SORD: variants seen among roughly 807,000 people sequenced by gnomAD.
SORD encodes (R,R)-butanediol dehydrogenase.
In SORD, 18 loss-of-function variants were observed where a neutral mutation model predicts 35.6. The ratio of observed to expected loss-of-function variants is 0.51; its 90% CI spans 0.35 to 0.75. The LOEUF is 0.75. SORD is among the 30% of genes least tolerant of loss of function. SORD has a pLI of 0.01. For synonymous variants in SORD, 106 were observed against 152.9 expected (o/e 0.69, Z 2.26); for missense variants, 250 against 390.2 (o/e 0.64, Z 3.03).
intron 3 of SORD, among the ~76,000 whole-genome samples, chr15:45,049,773 T>G (rs544329237): frequency 5.3e-5 from 8 of 152,340 alleles, no homozygotes; most frequent in African/African-American, 1.9e-4. Flanking sequence ...CAGCCAGAGA[T>G]CGCTGATTGG....
chr15:45,070,203 G>A (rs1487209660), intron 7 of SORD: 2 of 152,192 alleles, frequency 1.3e-5, no homozygotes, highest in Non-Finnish European at 2.9e-5. Flanking sequence ...CTTAGGAGAG[G>A]AAGGGAAGGA....
rs951668207 is a variant in SORD, at chr15:45,061,692, C to T, written c.425+466C>T. Among the ~76,000 whole-genome samples, 73 of 151,906 alleles carry T rather than the reference C, an allele frequency of 4.8e-4. 1 individual carries two copies. The highest frequency in any genetic ancestry group is 1.7e-3 in the African/African-American group (72 of 41,464). ...ACCTTCCTGGCTAACACGGTGAAAC[C>T]CCATCTCTACTAAAAAAATACAAAA... On this transcript the variant is annotated intron_variant, in intron 4 of 8. Transcript: ENST00000267814.
At chr15:45,051,066 C>T (rs1893116479) in intron 3 of SORD, among the ~76,000 whole-genome samples, 1 of 152,146 alleles carries the variant, frequency 6.6e-6, no homozygotes, top group South Asian at 2.1e-4. Flanking sequence ...TTTGAGAGCA[C>T]CTATCAAAGT....
intron 4 of SORD, 113 bp downstream of exon 4, chr15:45,061,339 G>A: frequency 8.6e-7 from 1 of 1,156,296 alleles, no homozygotes; most frequent in Non-Finnish European, 1.2e-6. Flanking sequence ...CCAAACATGA[G>A]GCATCACCTG....
In SORD at chr15:45,023,333, CG is replaced by C; in HGVS notation, c.55del (p.Asp19ThrfsTer19). 1 of 1,586,352 alleles carries C rather than the reference CG, an allele frequency of 6.3e-7. No homozygotes were observed. The highest frequency in any genetic ancestry group is 8.6e-7 in the Non-Finnish European group (1 of 1,167,522). On this transcript the variant is annotated frameshift_variant, in exon 1 of 9. Coordinates refer to ENST00000267814, the MANE Select transcript of SORD (RefSeq NM_003104.6). LOFTEE classifies it high-confidence loss of function. Reference sequence around the variant, plus strand: ...AACCTTTCCCTGGTGGTGCACGGACCGGGGGACTTGCGCCTGGTAAGCTGGG... The same window carrying C: ...AACCTTTCCCTGGTGGTGCACGGACCGGGGACTTGCGCCTGGTAAGCTGGG... The part of the protein sequence containing the change: ...PNNLSLVVHG[P>X]GDLRLENYPI...
intron 1 of SORD, among the ~76,000 whole-genome samples, chr15:45,027,869 G>A (rs775727346): frequency 1.2e-4 from 18 of 152,382 alleles, no homozygotes; most frequent in Non-Finnish European, 2.4e-4. Context: ...AAGGAAATGC[G>A]GGGAATTAAT....
intron 1 of SORD, among the ~76,000 whole-genome samples, chr15:45,024,294 A>C (rs1892636052): frequency 6.6e-6 from 1 of 152,166 alleles, no homozygotes; most frequent in Non-Finnish European, 1.5e-5. Flanking sequence ...AACTGCAGTA[A>C]TTCAGAAGCT....
intron 4 of SORD, 135 bp downstream of exon 4, chr15:45,061,361 C>T (rs1331500793): frequency 3.2e-6 from 3 of 941,400 alleles, no homozygotes; most frequent in Admixed American, 2.6e-5. Context: ...ACAGGCTACT[C>T]TTCTTGGTGG....
At position 45,064,575 on chromosome 15, in the gene SORD, C is replaced by T. The variant is rs548292200; in HGVS notation, c.426-696C>T. Among the ~76,000 whole-genome samples the T allele has an allele frequency of 3.9e-5, 6 of 152,286 alleles. No homozygotes were observed. In the East Asian group the frequency reaches 7.7e-4, roughly 20 times the overall value. ...ATTTAATCAGCTTTGTGGAACAGGT[C>T]CTTTTTTCTTCTTGACTGGTCCTGG... is the stretch of plus-strand genomic sequence containing the variant. On this transcript the variant is annotated intron_variant, in intron 4 of 8. Transcript: ENST00000267814.
At chr15:45,027,593 A>C (rs1892695728) in intron 1 of SORD, among the ~76,000 whole-genome samples, 1 of 152,264 alleles carries the variant, frequency 6.6e-6, no homozygotes, top group Non-Finnish European at 1.5e-5. Flanking sequence ...CAGGGCCTTC[A>C]AACACATGAA....
At chr15:45,052,429 G>C (rs1439491845) in intron 3 of SORD, among the ~76,000 whole-genome samples, 3 of 152,176 alleles carry the variant, frequency 2.0e-5, no homozygotes, top group Admixed American at 2.0e-4. Flanking sequence ...CTAATAGAGG[G>C]ATGTAGGAGG....
chr15:45,041,648 C>T (rs1892967295), intron 2 of SORD: 1 of 152,154 alleles, frequency 6.6e-6, no homozygotes, highest in Non-Finnish European at 1.5e-5. Context: ...CACCAAGATA[C>T]CATGTTCAGA....
rs1893522988 is a variant in SORD at position 45,072,176 on chromosome 15, T to C, written c.787-141T>C. On this transcript the variant is annotated intron_variant, in intron 7 of 8. Coordinates refer to ENST00000267814, the MANE Select transcript of SORD (RefSeq NM_003104.6). ...TGGCAGGTTGAGCAGTTCAGCAGTG[T>C]ACACAAATCACATTCTCAGGAATTT... 3 of 233,712 alleles carry C rather than the reference T, an allele frequency of 1.3e-5. 1 individual carries two copies. 14.5% of individuals were successfully genotyped at this position (233,712 alleles called of 1,614,324 possible).
intron 1 of SORD, among the ~76,000 whole-genome samples, chr15:45,036,082 G>A (rs1240526880): frequency 2.0e-5 from 3 of 151,808 alleles, no homozygotes; most frequent in Non-Finnish European, 4.4e-5. Context: ...GCGAAGGTCC[G>A]CAGCTTCACT....
intron 3 of SORD, among the ~76,000 whole-genome samples, chr15:45,049,016 C>T (rs930073498): frequency 1.3e-5 from 2 of 152,156 alleles, no homozygotes; most frequent in African/African-American, 4.8e-5. Context: ...TGCCCACCCC[C>T]TTGCAAGTTC....
chr15:45,039,133 T>TC (rs1555409332), intron 1 of SORD, among the ~76,000 whole-genome samples: 2,373 of 148,690 alleles, frequency 0.016, 16 homozygotes, highest in Middle Eastern at 0.031. Context: ...CTCTCTCTCT[T>TC]CCTTTTTTTT....
rs181876514 is a variant in SORD, at chr15:45,038,307, G to A, written c.67-2101G>A. Among the ~76,000 whole-genome samples the A allele has an allele frequency of 3.3e-5, 5 of 152,254 alleles. No individual in the cohort carries two copies. The East Asian group carries it at 7.7e-4, about 24-fold the overall frequency. On this transcript the variant is annotated intron_variant, in intron 1 of 8. Coordinates refer to ENST00000267814, the MANE Select transcript of SORD (RefSeq NM_003104.6). ...CCATTTACTGCCTTAGTGTTACCAT[G>A]GGTGGGTTCCTCAGTCTCATCACAT... is the stretch of plus-strand genomic sequence containing the variant.
At chr15:45,056,986 G>A (rs1566962519) in intron 3 of SORD, among the ~76,000 whole-genome samples, 1 of 152,212 alleles carries the variant, frequency 6.6e-6, no homozygotes, top group African/African-American at 2.4e-5. Context: ...CAATCTCAAT[G>A]CGCACACCTT....
intron 3 of SORD, among the ~76,000 whole-genome samples, chr15:45,056,269 G>C (rs1195032010): frequency 6.6e-6 from 1 of 152,114 alleles, no homozygotes; most frequent in East Asian, 1.9e-4. Context: ...ATCTCCTTAA[G>C]CTGATAAGCA....
Sources: gnomAD v4.1 joint callset for allele counts (sites outside exome capture counted in the v4.1 genomes callset) on GRCh38, gnomAD v4.1.1 for gene constraint, MANE v1.5 for transcripts, NCBI Gene and HGNC (gene_info 2026-07-23, HGNC 2026-07-21) for gene names.